The following MCC variants were observed in gnomAD, a reference collection of about 807,000 sequenced individuals.
The protein encoded by MCC is colorectal mutant cancer protein.
Under a neutral mutation model 116.2 loss-of-function variants are expected in MCC, and 90 were observed. The ratio of observed to expected loss-of-function variants is 0.77; its 90% confidence interval spans 0.65 to 0.92. MCC has a LOEUF of 0.92. Ranked by LOEUF, MCC falls within the 40% of genes least tolerant of loss-of-function variation. The pLI is 0.00. For missense variants in MCC, 1,516 were observed against 1,312.2 expected, an observed-to-expected ratio of 1.16 and a Z score of -2.40; for synonymous variants, 578 against 510.5, an observed-to-expected ratio of 1.13 and a Z score of -1.78.
At position 113,161,263 on chromosome 5, in the gene MCC, T is replaced by C. The variant is rs770763784; in HGVS notation, c.628-9841A>G. On this transcript the variant is annotated intron_variant, in intron 3 of 18. Coordinates refer to ENST00000408903, the MANE Select transcript of MCC (RefSeq NM_001085377.2). ...TGACACATCATGGAGGAGATGAAGATGTAACAATTAAATCCAGCTAATCAG... is the reference window on the plus strand; with the variant it reads ...TGACACATCATGGAGGAGATGAAGACGTAACAATTAAATCCAGCTAATCAG... Among the ~76,000 whole-genome samples, 29 of 152,294 alleles carry C rather than the reference T, an allele frequency of 1.9e-4. 1 individual carries two copies. Among genetic ancestry groups the C allele is most frequent in the Middle Eastern group, 6.8e-3 (2 of 294 alleles).
chr5:113,233,674 C>T (rs759343750), intron 3 of MCC, among the ~76,000 whole-genome samples: 1 of 152,218 alleles, frequency 6.6e-6, no homozygotes, highest in Non-Finnish European at 1.5e-5. Flanking sequence ...CAACTCCAGC[C>T]AGATGGCAAC....
intron 3 of MCC, among the ~76,000 whole-genome samples, chr5:113,183,970 C>G (rs1392977707): frequency 6.6e-6 from 1 of 151,512 alleles, no homozygotes; most frequent in Non-Finnish European, 1.5e-5. Flanking sequence ...GCCCAAAGAG[C>G]TTAGAGGATC....
chr5:113,397,269 C>T (rs956599742), intron 1 of MCC, among the ~76,000 whole-genome samples: 1 of 152,180 alleles, frequency 6.6e-6, no homozygotes, highest in Non-Finnish European at 1.5e-5. Flanking sequence ...CTCACCAAGT[C>T]TGCCAAAGTA....
intron 4 of MCC, among the ~76,000 whole-genome samples, chr5:113,144,470 GT>G (rs1759374206): frequency 6.6e-6 from 1 of 152,150 alleles, no homozygotes; most frequent in Non-Finnish European, 1.5e-5. Context: ...GCTTTCCAGC[GT>G]TGCAGGTTGG....
At chr5:113,353,006 C>A (rs1053202780) in intron 2 of MCC, among the ~76,000 whole-genome samples, 3 of 152,076 alleles carry the variant, frequency 2.0e-5, no homozygotes, top group Admixed American at 2.0e-4. Flanking sequence ...TTTTCATATG[C>A]CTGTTCCCCA....
Position 113,394,805 on chromosome 5 carries a change from AT to A in MCC, c.171-9594del, listed in dbSNP as rs1738773607. Among the ~76,000 whole-genome samples, 5 of 152,180 alleles carry A rather than the reference AT, an allele frequency of 3.3e-5. No homozygotes were observed. The South Asian group carries it at 1.0e-3, about 32-fold the overall frequency. ...TCTATAGTAATGACTGATTTATTTT[AT>A]CTCACTTCTAGTAAACCAGAGGTTG... On this transcript the variant is annotated intron_variant, in intron 1 of 18. Transcript: ENST00000408903.
At chr5:113,471,799 C>G (rs1772099293) in intron 1 of MCC, among the ~76,000 whole-genome samples, 2 of 147,592 alleles carry the variant, frequency 1.4e-5, no homozygotes, top group African/African-American at 5.0e-5. Context: ...CTGTGGTGGG[C>G]TCCACCCAGT....
chr5:113,155,500 C>T (rs190391761), intron 3 of MCC, among the ~76,000 whole-genome samples: 57 of 152,282 alleles, frequency 3.7e-4, no homozygotes, highest in African/African-American at 1.3e-3. Flanking sequence ...ACATTCCCAC[C>T]AACAGTGTAT....
chr5:113,171,693 T>A (rs7730638), intron 3 of MCC, among the ~76,000 whole-genome samples: 16,423 of 152,044 alleles, frequency 0.11, 1,039 homozygotes, highest in African/African-American at 0.16. Flanking sequence ...AACATCTAAT[T>A]GGTGGCTCTG....
chr5:113,082,949 T>C lies in MCC; in HGVS notation c.1695A>G (p.Gln565=), dbSNP rs1017439455. ...GTGAGTAGAGTGTTTGGAAAATCTCTTGGATATTGGAGCAGTCCTGAAGTG... is the reference window on the plus strand; with the variant it reads ...GTGAGTAGAGTGTTTGGAAAATCTCCTGGATATTGGAGCAGTCCTGAAGTG... ...AHSLQDCSNI[Q]EIFQTLYSHG... The change falls in exon 11 of 19, where the codon CAA becomes CAG. Residue 565 remains glutamine, a synonymous_variant. Coordinates refer to ENST00000408903, the MANE Select transcript of MCC (RefSeq NM_001085377.2). 1 of 1,614,194 alleles carries C rather than the reference T, an allele frequency of 6.2e-7. No homozygotes were observed. Among genetic ancestry groups the C allele is most frequent in the Non-Finnish European group, 8.5e-7 (1 of 1,180,020 alleles).
chr5:113,294,798 C>T, intron 3 of MCC: 1 of 986,932 alleles, frequency 1.0e-6, no homozygotes, highest in Non-Finnish European at 1.2e-6. Context: ...TAGAGGGCAC[C>T]GGCGAGCTCC....
chr5:113,484,977 C>T (rs562723635), intron 1 of MCC, among the ~76,000 whole-genome samples: 1 of 152,282 alleles, frequency 6.6e-6, no homozygotes, highest in Non-Finnish European at 1.5e-5. Flanking sequence ...GGGTCCCAGC[C>T]GCAGTTTGGA....
intron 3 of MCC, among the ~76,000 whole-genome samples, chr5:113,252,794 A>G (rs548008405): frequency 1.3e-5 from 2 of 152,088 alleles, no homozygotes; most frequent in East Asian, 3.9e-4. Flanking sequence ...TCCAGTTTCT[A>G]TCTCCTCCCA....
intron 3 of MCC, among the ~76,000 whole-genome samples, chr5:113,222,262 TA>T (rs1279956626): frequency 6.6e-6 from 1 of 152,248 alleles, no homozygotes; most frequent in Non-Finnish European, 1.5e-5. Flanking sequence ...TTGCCAGGAT[TA>T]ACCTCACTTT....
chr5:113,459,825 AAC>A (rs5870543), intron 1 of MCC, among the ~76,000 whole-genome samples: 66,039 of 147,356 alleles, frequency 0.45, 15,053 homozygotes, highest in East Asian at 0.76. Context: ...CGCTATGGAA[AAC>A]ACACACACAC....
intron 3 of MCC, among the ~76,000 whole-genome samples, chr5:113,169,819 A>T (rs1369409153): frequency 6.6e-6 from 1 of 152,214 alleles, no homozygotes; most frequent in Non-Finnish European, 1.5e-5. Context: ...TCTAGAAAAC[A>T]AAATGCCTCA....
intron 3 of MCC, among the ~76,000 whole-genome samples, chr5:113,179,289 T>C (rs1191611477): frequency 6.6e-6 from 1 of 152,224 alleles, no homozygotes; most frequent in Non-Finnish European, 1.5e-5. Flanking sequence ...GTTTTACTCA[T>C]GTTAATGGTT....
chr5:113,364,261 C>A (rs867559716), intron 2 of MCC, among the ~76,000 whole-genome samples: 2,755 of 79,430 alleles, frequency 0.035, 73 homozygotes, highest in East Asian at 0.053. Flanking sequence ...AAAAAAAAAA[C>A]CAGAAAAAAA....
chr5:113,091,762 G>A (rs1755659261), intron 8 of MCC, among the ~76,000 whole-genome samples: 1 of 152,142 alleles, frequency 6.6e-6, no homozygotes, highest in East Asian at 1.9e-4. Context: ...GCGTGAGCCA[G>A]TAGTCCCAGC....
Sources: gnomAD v4.1 joint callset for allele counts (sites outside exome capture counted in the v4.1 genomes callset) on GRCh38, gnomAD v4.1.1 for gene constraint, MANE v1.5 for transcripts, NCBI Gene and HGNC (gene_info 2026-07-23, HGNC 2026-07-21) for gene names.